Variants in BMF observed in about 807,000 individuals in gnomAD.
BMF encodes Bcl2 modifying factor, also known as bcl-2-modifying factor.
BMF carries 10 observed loss-of-function variants against 22.0 expected under a neutral mutation model. The ratio of observed to expected loss-of-function variants is 0.45; its 90% CI spans 0.28 to 0.77. BMF has a LOEUF of 0.77. BMF is among the 30% of genes least tolerant of loss of function. The pLI, the probability that BMF is intolerant of heterozygous loss-of-function variation, is 0.13. For synonymous variants in BMF, 87 were observed against 88.1 expected (o/e 0.99, Z 0.07); for missense variants, 206 against 226.8 (o/e 0.91, Z 0.59).
chr15:40,105,721 C>T (rs1006929079), intron 3 of BMF, 74 bp downstream of exon 3: 15 of 1,478,380 alleles, frequency 1.0e-5, no homozygotes, highest in Non-Finnish European at 1.3e-5. Flanking sequence ...CAGCAAAGGG[C>T]AGGTTTGGGG....
intron 4 of BMF, among the ~76,000 whole-genome samples, chr15:40,102,373 G>T (rs987357246): frequency 6.8e-6 from 1 of 146,210 alleles, no homozygotes; most frequent in Non-Finnish European, 1.5e-5. Flanking sequence ...AGGTTGCAGT[G>T]AGCCGAGATC....
chr15:40,093,215 C>CA (rs2036281693), intron 4 of BMF, among the ~76,000 whole-genome samples: 1 of 152,212 alleles, frequency 6.6e-6, no homozygotes, highest in African/African-American at 2.4e-5. Context: ...CCCTAGGCCA[C>CA]AAAAAGAGAG....
At position 40,104,343 on chromosome 15, in the gene BMF, G is replaced by A. The variant is rs1423164751; in HGVS notation, c.293-3C>T. ...AGGAAGCCGATAGCCAGCATTGCCT[G>A]CAAAGATAGAGGATCCACATCTCAG... On this transcript the variant is annotated splice_polypyrimidine_tract_variant and splice_region_variant and intron_variant, in intron 3 of 4. Transcript: ENST00000354670. 9 of 1,613,952 alleles carry A rather than the reference G, an allele frequency of 5.6e-6. No homozygotes were observed. The highest frequency in any genetic ancestry group is 6.8e-6 in the Non-Finnish European group (8 of 1,179,918).
rs995219742 is a variant in BMF at position 40,090,869 on chromosome 15, T to C, written c.*918A>G. On this transcript the variant is annotated 3_prime_UTR_variant, in exon 5 of 5. Coordinates refer to ENST00000354670, the MANE Select transcript of BMF (RefSeq NM_001003940.2). ...GGCCCCACTGCAAACTTGCCCCCGATGTCCCTCAGTGCCGATGTTGGGGGT... is the reference window on the plus strand; with the variant it reads ...GGCCCCACTGCAAACTTGCCCCCGACGTCCCTCAGTGCCGATGTTGGGGGT... The C allele has an allele frequency of 6.6e-6, 1 of 152,312 alleles. No homozygotes were observed. The highest frequency in any genetic ancestry group is 1.5e-5 in the Non-Finnish European group (1 of 68,114). The allele number at this position is 152,312 out of a possible 1,614,324, so 9.4% of individuals were successfully genotyped here.
At chr15:40,092,788 G>T (rs892294295) in intron 4 of BMF, among the ~76,000 whole-genome samples, 2 of 152,094 alleles carry the variant, frequency 1.3e-5, no homozygotes, top group African/African-American at 4.8e-5. Context: ...AGAGGCCTGG[G>T]GGGGTGGAAA....
intron 4 of BMF, among the ~76,000 whole-genome samples, chr15:40,099,780 CAAAAA>C (rs747996690): frequency 1.6e-5 from 1 of 64,430 alleles, no homozygotes; most frequent in Non-Finnish European, 2.8e-5. Context: ...GCTGTCTCAC[CAAAAA>C]AAAAAAAAAA....
intron 4 of BMF, among the ~76,000 whole-genome samples, chr15:40,095,513 G>A (rs568525304): frequency 4.6e-5 from 7 of 152,144 alleles, no homozygotes; most frequent in East Asian, 1.9e-4. Context: ...TCAGGCACCC[G>A]GCACAGCACC....
Position 40,108,295 on chromosome 15 carries a change from CG to C in BMF, c.-43del, listed in dbSNP as rs993782483. On this transcript the variant is annotated 5_prime_UTR_variant, in exon 2 of 5. Coordinates refer to ENST00000354670, the MANE Select transcript of BMF (RefSeq NM_001003940.2). ...CAGGAGAGAGTCTCGGCCTCCGAGT[CG>C]TGATGCCAGGGCTCCGCGCCAGGGT... 6.5e-6 allele frequency: 1 copy of C among 152,964 alleles called. No individual in the cohort carries two copies. The highest frequency in any genetic ancestry group is 2.4e-5 in the African/African-American group (1 of 41,440). The allele number at this position is 152,964 out of a possible 1,614,324, so 9.5% of individuals were successfully genotyped here. A position where few individuals can be genotyped will look rare whatever the true frequency, so the allele number is the denominator to read the frequency against.
intron 4 of BMF, among the ~76,000 whole-genome samples, chr15:40,099,500 C>G (rs1021147800): frequency 1.3e-5 from 2 of 152,126 alleles, no homozygotes; most frequent in African/African-American, 4.8e-5. Context: ...AAGACTAAGC[C>G]GGGTGCAGTG....
chr15:40,105,616 G>A (rs528886645), intron 3 of BMF, among the ~76,000 whole-genome samples, 179 bp downstream of exon 3: 1 of 152,200 alleles, frequency 6.6e-6, no homozygotes, highest in Non-Finnish European at 1.5e-5. Flanking sequence ...CCTTTGGGGG[G>A]TCTGAGGCAC....
chr15:40,099,544 C>T, intron 4 of BMF, among the ~76,000 whole-genome samples: 1 of 152,016 alleles, frequency 6.6e-6, no homozygotes, highest in Non-Finnish European at 1.5e-5. Flanking sequence ...TTTGGGAGGC[C>T]GAGATGGGCG....
chr15:40,092,755 C>T (rs949050802), intron 4 of BMF, among the ~76,000 whole-genome samples: 2 of 152,044 alleles, frequency 1.3e-5, no homozygotes, highest in Non-Finnish European at 2.9e-5. Context: ...GGTGCCCTGC[C>T]CACACAGGTA....
intron 4 of BMF, among the ~76,000 whole-genome samples, chr15:40,092,742 G>A (rs993046932): frequency 6.6e-6 from 1 of 152,160 alleles, no homozygotes; most frequent in Non-Finnish European, 1.5e-5. Flanking sequence ...CCAGATTGGG[G>A]CTGGTGCCCT....
Position 40,091,670 on chromosome 15 carries a change from A to G in BMF, c.*117T>C. 1.3e-6 allele frequency: 1 copy of G among 783,358 alleles called. No individual in the cohort carries two copies. The highest frequency in any genetic ancestry group is 2.1e-6 in the Non-Finnish European group (1 of 486,454). 48.5% of individuals were successfully genotyped at this position (783,358 alleles called of 1,614,324 possible). A position where few individuals can be genotyped will look rare whatever the true frequency, so the allele number is the denominator to read the frequency against. ...ACTCAGAGAGAAATTAAAAAAAATT[A>G]AAACACAAAATAACAACAAAAAAAC... On this transcript the variant is annotated 3_prime_UTR_variant, in exon 5 of 5. Transcript: ENST00000354670.
chr15:40,102,194 C>T (rs943448772), intron 4 of BMF, among the ~76,000 whole-genome samples: 1 of 151,976 alleles, frequency 6.6e-6, no homozygotes, highest in Non-Finnish European at 1.5e-5. Context: ...TTTGGGAGGC[C>T]GAGGCAGGTG....
intron 3 of BMF, among the ~76,000 whole-genome samples, chr15:40,105,387 C>G (rs2036565201): frequency 6.6e-6 from 1 of 152,194 alleles, no homozygotes; most frequent in Non-Finnish European, 1.5e-5. Context: ...TGGGGGCCAC[C>G]TTCTGCCTTT....
intron 4 of BMF, 98 bp from the exon 5 acceptor site, chr15:40,091,986 A>G (rs1193764603): frequency 1.1e-6 from 1 of 923,958 alleles, no homozygotes; most frequent in Non-Finnish European, 1.7e-6. Context: ...TCCAAGTCTC[A>G]CGGCTGGCAC....
chr15:40,105,686 CGCTG>C, intron 3 of BMF, 105 bp downstream of exon 3: 1 of 1,316,944 alleles, frequency 7.6e-7, no homozygotes. Context: ...TCAACAGCCC[CGCTG>C]ATCACTTTGG....
At chr15:40,096,153 CTTTT>C (rs532459310) in intron 4 of BMF, among the ~76,000 whole-genome samples, 1,419 of 115,084 alleles carry the variant, frequency 0.012, 22 homozygotes, top group African/African-American at 0.047. Flanking sequence ...AAAAGGCCTC[CTTTT>C]TTTTTTTTTT....
Sources: gnomAD v4.1 joint callset for allele counts (sites outside exome capture counted in the v4.1 genomes callset) on GRCh38, gnomAD v4.1.1 for gene constraint, MANE v1.5 for transcripts, NCBI Gene and HGNC (gene_info 2026-07-23, HGNC 2026-07-21) for gene names.